The following MARCHF1 variants were observed in gnomAD, a reference collection of about 807,000 sequenced individuals.
MARCHF1 encodes the protein E3 ubiquitin-protein ligase MARCHF1.
MARCHF1 carries 40 observed loss-of-function variants against 54.2 expected under a neutral mutation model. The ratio of observed to expected loss-of-function variants is 0.74; its 90% confidence interval spans 0.57 to 0.96. The LOEUF is 0.96. MARCHF1 is among the 40% of genes least tolerant of loss of function. The pLI, the probability that MARCHF1 is intolerant of heterozygous loss-of-function variation, is 0.00. For synonymous variants in MARCHF1, 236 were observed against 236.3 expected (o/e 1.00, Z 0.01); for missense variants, 586 against 656.5 (o/e 0.89, Z 1.17).
chr4:163,630,684 G>T (rs1317867195), intron 5 of MARCHF1, among the ~76,000 whole-genome samples: 2 of 152,096 alleles, frequency 1.3e-5, no homozygotes, highest in African/African-American at 4.8e-5. Context: ...AGCTATAGAA[G>T]CAAAGCATAT....
chr4:163,886,397 G>A (rs1244043213), intron 3 of MARCHF1, among the ~76,000 whole-genome samples: 1 of 151,512 alleles, frequency 6.6e-6, no homozygotes, highest in African/African-American at 2.4e-5. Flanking sequence ...AGAGACGGGG[G>A]GAGGGAGATG....
intron 4 of MARCHF1, among the ~76,000 whole-genome samples, chr4:163,787,228 G>C (rs1223043023): frequency 1.3e-5 from 2 of 151,628 alleles, no homozygotes; most frequent in African/African-American, 4.8e-5. Context: ...ATGGACAAAT[G>C]GGACTCCATC....
intron 2 of MARCHF1, among the ~76,000 whole-genome samples, chr4:164,097,005 TG>T (rs1398820831): frequency 6.6e-6 from 1 of 152,162 alleles, no homozygotes; most frequent in Non-Finnish European, 1.5e-5. Flanking sequence ...CTTTTGTTAA[TG>T]TTCATTTTAC....
At chr4:164,201,692 C>T (rs1258110955) in intron 1 of MARCHF1, among the ~76,000 whole-genome samples, 1 of 152,090 alleles carries the variant, frequency 6.6e-6, no homozygotes, top group Non-Finnish European at 1.5e-5. Flanking sequence ...TTAAGAATAA[C>T]ATACGGGTAC....
At chr4:163,699,753 T>A (rs1229808048) in intron 5 of MARCHF1, among the ~76,000 whole-genome samples, 12 of 152,160 alleles carry the variant, frequency 7.9e-5, no homozygotes, top group Non-Finnish European at 1.5e-5. Context: ...TTTTTGAAAG[T>A]CATTGTTTTC....
At chr4:164,221,867 C>T (rs1347907742) in intron 1 of MARCHF1, among the ~76,000 whole-genome samples, 1 of 151,926 alleles carries the variant, frequency 6.6e-6, no homozygotes, top group African/African-American at 2.4e-5. Context: ...ACTAATCACT[C>T]GCCCAGTAGA....
intron 5 of MARCHF1, among the ~76,000 whole-genome samples, chr4:163,669,079 G>C (rs574182727): frequency 6.6e-6 from 1 of 152,254 alleles, no homozygotes; most frequent in African/African-American, 2.4e-5. Context: ...AAGCTTCTCA[G>C]ATTTTCGTTT....
At chr4:163,599,243 CTG>C (rs1740869975) in intron 7 of MARCHF1, among the ~76,000 whole-genome samples, 1 of 151,578 alleles carries the variant, frequency 6.6e-6, no homozygotes, top group South Asian at 2.1e-4. Flanking sequence ...TGAGCCAAGA[CTG>C]TGCCACTGCA....
chr4:164,318,480 A>G (rs1735058428), intron 1 of MARCHF1, among the ~76,000 whole-genome samples: 1 of 152,016 alleles, frequency 6.6e-6, no homozygotes, highest in South Asian at 2.1e-4. Flanking sequence ...AGAAGAACAC[A>G]GATTAAGATG....
At chr4:163,595,690 T>G (rs1740745295) in intron 7 of MARCHF1, among the ~76,000 whole-genome samples, 1 of 152,016 alleles carries the variant, frequency 6.6e-6, no homozygotes, top group South Asian at 2.1e-4. Flanking sequence ...TTATATGAAA[T>G]GTACAAAATA....
At chr4:164,041,354 T>C (rs974937258) in intron 2 of MARCHF1, among the ~76,000 whole-genome samples, 1 of 152,170 alleles carries the variant, frequency 6.6e-6, no homozygotes, top group South Asian at 2.1e-4. Context: ...CTTTTTATTA[T>C]AGCATTAGCA....
At chr4:164,318,512 CA>C (rs58102877) in intron 1 of MARCHF1, among the ~76,000 whole-genome samples, 16,346 of 152,024 alleles carry the variant, frequency 0.11, 1,449 homozygotes, top group East Asian at 0.3. Flanking sequence ...AAGCATCCTA[CA>C]AAGAGAGAGA....
chr4:163,937,969 C>T (rs1751836635), intron 3 of MARCHF1, among the ~76,000 whole-genome samples: 2 of 152,202 alleles, frequency 1.3e-5, no homozygotes, highest in South Asian at 4.1e-4. Context: ...CATAACAGAA[C>T]ATATTGGTCA....
At chr4:163,658,622 G>C (rs914225021) in intron 5 of MARCHF1, among the ~76,000 whole-genome samples, 2 of 151,844 alleles carry the variant, frequency 1.3e-5, no homozygotes, top group African/African-American at 4.8e-5. Flanking sequence ...AAAAAGGAAA[G>C]AGATCATGTC....
rs186822413 is a variant in MARCHF1, at chr4:163,714,194, C to T, written c.112-13331G>A. On this transcript the variant is annotated intron_variant, in intron 4 of 9. Coordinates refer to ENST00000514618, the MANE Select transcript of MARCHF1 (RefSeq NM_001394959.1). ...AAAGAGCAATAGTTATAAGGATTGGCTTGAAAATGGAATATTTAACCATTC... is the reference window on the plus strand; with the variant it reads ...AAAGAGCAATAGTTATAAGGATTGGTTTGAAAATGGAATATTTAACCATTC... Among the ~76,000 whole-genome samples, 7 of 152,298 alleles carry T rather than the reference C, an allele frequency of 4.6e-5. No individual in the cohort carries two copies. In the East Asian group the frequency reaches 1.3e-3, roughly 29 times the overall value.
chr4:164,263,140 G>A (rs901171679), intron 1 of MARCHF1, among the ~76,000 whole-genome samples: 4 of 126,370 alleles, frequency 3.2e-5, no homozygotes, highest in Non-Finnish European at 3.3e-5. Flanking sequence ...GTACGCGTGC[G>A]TGTGTGTGTG....
intron 3 of MARCHF1, among the ~76,000 whole-genome samples, chr4:163,943,861 T>C (rs1751968694): frequency 6.6e-6 from 1 of 152,122 alleles, no homozygotes; most frequent in African/African-American, 2.4e-5. Flanking sequence ...TCACAGAATG[T>C]TAAGTGTTAT....
chr4:163,673,096 T>C (rs781439984), intron 5 of MARCHF1, among the ~76,000 whole-genome samples: 3 of 152,194 alleles, frequency 2.0e-5, no homozygotes, highest in Non-Finnish European at 2.9e-5. Context: ...GAGTAGGAAG[T>C]GGCTATCTTT....
intron 5 of MARCHF1, among the ~76,000 whole-genome samples, chr4:163,643,108 T>C (rs1320223076): frequency 1.3e-5 from 2 of 149,776 alleles, no homozygotes; most frequent in African/African-American, 4.9e-5. Flanking sequence ...ATGTCAGGCA[T>C]TTGAGACCAG....
Sources: allele counts gnomAD v4.1 joint callset (sites outside exome capture counted in the v4.1 genomes callset), GRCh38; gene constraint gnomAD v4.1.1; transcripts MANE v1.5; gene names NCBI Gene and HGNC (gene_info 2026-07-23, HGNC 2026-07-21).